The following ZNRF1 variants were observed in gnomAD, a reference collection of about 807,000 sequenced individuals.
The protein encoded by ZNRF1 is zinc and ring finger 1, also known as E3 ubiquitin-protein ligase ZNRF1.
ZNRF1 carries 3 observed loss-of-function variants against 18.4 expected under a neutral mutation model. The observed-to-expected ratio is 0.16, with a 90% CI of 0.07 to 0.42. The LOEUF is 0.42. ZNRF1 is among the 10% of genes least tolerant of loss of function. The pLI is 0.99. For missense variants in ZNRF1, 310 were observed against 329.8 expected (o/e 0.94, Z 0.47); for synonymous variants, 157 against 144.2 (o/e 1.09, Z -0.64).
At chr16:75,100,337 T>C (rs1221565146) in intron 2 of ZNRF1, among the ~76,000 whole-genome samples, 3 of 152,238 alleles carry the variant, frequency 2.0e-5, no homozygotes, top group Non-Finnish European at 4.4e-5. Context: ...AGTCCTTTAG[T>C]GCACAGGCCT....
Position 75,051,230 on chromosome 16 carries a change from C to T in ZNRF1, c.425-42342C>T, listed in dbSNP as rs138356020. Among the ~76,000 whole-genome samples, 810 of 151,760 alleles carry T rather than the reference C, an allele frequency of 5.3e-3. 11 individuals are homozygous for T. The highest frequency in any genetic ancestry group is 0.018 in the African/African-American group (765 of 41,406). ...TACATCTATTTTTTTTTTTCTGAGA[C>T]GGAGTCTCACTCTGTCGCCTAGTCT... On this transcript the variant is annotated intron_variant, in intron 1 of 4. Coordinates refer to ENST00000335325, the MANE Select transcript of ZNRF1 (RefSeq NM_032268.5).
chr16:75,083,109 T>A (rs1281002241), intron 1 of ZNRF1, among the ~76,000 whole-genome samples: 1 of 152,234 alleles, frequency 6.6e-6, no homozygotes, highest in African/African-American at 2.4e-5. Context: ...ATTGATGGCA[T>A]CTTGGAGTCA....
At chr16:75,067,362 G>A (rs980980108) in intron 1 of ZNRF1, among the ~76,000 whole-genome samples, 6 of 152,316 alleles carry the variant, frequency 3.9e-5, no homozygotes, top group Non-Finnish European at 7.3e-5. Flanking sequence ...CCCATGTCTC[G>A]ATAGAGGAGT....
intron 1 of ZNRF1, among the ~76,000 whole-genome samples, chr16:75,067,663 G>A (rs12449088): frequency 0.37 from 56,518 of 152,004 alleles, 12,671 homozygotes; most frequent in Non-Finnish European, 0.5. Context: ...ATATACATAC[G>A]GGAATTTAAT....
intron 1 of ZNRF1, among the ~76,000 whole-genome samples, chr16:75,007,764 A>T (rs1443853191): frequency 2.0e-5 from 3 of 152,208 alleles, no homozygotes. Flanking sequence ...CTACATCTGA[A>T]ACTAAACTCC....
chr16:75,013,848 G>A (rs1237135064), intron 1 of ZNRF1, among the ~76,000 whole-genome samples: 2 of 147,770 alleles, frequency 1.4e-5, no homozygotes, highest in African/African-American at 5.0e-5. Context: ...TTTTTTTTTC[G>A]AGACGGAGTC....
At chr16:75,041,068 G>C (rs1345853708) in intron 1 of ZNRF1, among the ~76,000 whole-genome samples, 2 of 152,138 alleles carry the variant, frequency 1.3e-5, no homozygotes, top group Admixed American at 6.5e-5. Context: ...TCTAGCTTAA[G>C]ACAATTATGA....
intron 1 of ZNRF1, among the ~76,000 whole-genome samples, chr16:75,003,213 C>T (rs1346316903): frequency 6.6e-6 from 1 of 152,226 alleles, no homozygotes; most frequent in Non-Finnish European, 1.5e-5. Flanking sequence ...CTGCCTGACC[C>T]GGCCTCCCAA....
chr16:75,050,565 A>C (rs947954862), intron 1 of ZNRF1, among the ~76,000 whole-genome samples: 1 of 151,570 alleles, frequency 6.6e-6, no homozygotes, highest in Non-Finnish European at 1.5e-5. Flanking sequence ...GATATTAAAA[A>C]AAAAATAAAA....
chr16:74,999,438 A>C lies in ZNRF1; in HGVS notation c.-234A>C, dbSNP rs2034804734. 6 of 377,458 alleles carry C rather than the reference A, an allele frequency of 1.6e-5. No individual in the cohort carries two copies. Among genetic ancestry groups the C allele is most frequent in the Non-Finnish European group, 2.3e-5 (5 of 213,716 alleles). 23.4% of individuals were successfully genotyped at this position (377,458 alleles called of 1,614,324 possible). On this transcript the variant is annotated 5_prime_UTR_variant, in exon 1 of 5. It removes an upstream start codon present in the reference 5' UTR. Coordinates refer to ENST00000335325, the MANE Select transcript of ZNRF1 (RefSeq NM_032268.5). ...GCCTCTTTGGACCTTGAGGGGAAAC[A>C]TGCGTTTGCCTTGGATCGTTTGAAA...
chr16:75,035,095 A>G (rs1365919901), intron 1 of ZNRF1, among the ~76,000 whole-genome samples: 1 of 151,458 alleles, frequency 6.6e-6, no homozygotes, highest in East Asian at 2.0e-4. Context: ...CAATTTCTTC[A>G]TATGCTTGCT....
intron 1 of ZNRF1, among the ~76,000 whole-genome samples, chr16:75,064,962 G>A (rs2035784397): frequency 6.6e-6 from 1 of 152,332 alleles, no homozygotes; most frequent in Middle Eastern, 3.4e-3. Flanking sequence ...GGTGCATGGG[G>A]TTGCAAACCT....
chr16:75,021,465 C>G (rs980928689), intron 1 of ZNRF1, among the ~76,000 whole-genome samples: 3 of 152,200 alleles, frequency 2.0e-5, no homozygotes. Flanking sequence ...CATACTTCAT[C>G]CTTTTGAGTT....
chr16:75,089,847 C>T (rs113892845), intron 1 of ZNRF1, among the ~76,000 whole-genome samples: 3,142 of 152,280 alleles, frequency 0.021, 95 homozygotes, highest in African/African-American at 0.064. Flanking sequence ...CAACTCCCCT[C>T]CTGCACTCAA....
chr16:75,028,943 A>T (rs1041586625), intron 1 of ZNRF1, among the ~76,000 whole-genome samples: 3 of 152,072 alleles, frequency 2.0e-5, no homozygotes, highest in Admixed American at 1.3e-4. Flanking sequence ...CTCTACCTCA[A>T]ATGTTGAAAG....
At chr16:75,063,511 G>A (rs2035766962) in intron 1 of ZNRF1, among the ~76,000 whole-genome samples, 1 of 152,118 alleles carries the variant, frequency 6.6e-6, no homozygotes, top group Non-Finnish European at 1.5e-5. Flanking sequence ...GGTGTGCATG[G>A]CATTTAGCTT....
chr16:75,047,916 G>A (rs1026359858), intron 1 of ZNRF1, among the ~76,000 whole-genome samples: 4 of 151,774 alleles, frequency 2.6e-5, no homozygotes, highest in African/African-American at 9.7e-5. Flanking sequence ...TCCGTGTCCT[G>A]ACATGGTCTT....
rs563082963 is a variant in ZNRF1 at position 75,103,564 on chromosome 16, G to A, written c.521-1220G>A. On this transcript the variant is annotated intron_variant, in intron 2 of 4. Transcript: ENST00000335325. Reference sequence around the variant, plus strand: ...GTATAACATTTTAGTTATGCACGATGAGTAAGTTCTAGACATCTGCCATAC... The same window carrying A: ...GTATAACATTTTAGTTATGCACGATAAGTAAGTTCTAGACATCTGCCATAC... Among the ~76,000 whole-genome samples, 11 of 152,216 alleles carry A rather than the reference G, an allele frequency of 7.2e-5. No homozygotes were observed. In the South Asian group the frequency reaches 2.1e-3, roughly 29 times the overall value.
At chr16:75,062,896 C>T (rs963010647) in intron 1 of ZNRF1, among the ~76,000 whole-genome samples, 5 of 152,202 alleles carry the variant, frequency 3.3e-5, no homozygotes, top group South Asian at 2.1e-4. Context: ...ACATTTACCA[C>T]GTGGGAGGCC....
Sources: allele counts gnomAD v4.1 joint callset (sites outside exome capture counted in the v4.1 genomes callset), GRCh38; gene constraint gnomAD v4.1.1; transcripts MANE v1.5; gene names NCBI Gene and HGNC (gene_info 2026-07-23, HGNC 2026-07-21).